Variants in CDIN1 observed in about 807,000 individuals in gnomAD.
The protein encoded by CDIN1 is CDAN1-interacting nuclease 1.
A neutral mutation model predicts 45.3 loss-of-function variants in CDIN1; 33 were observed. The observed-to-expected ratio is 0.73, with a 90% CI of 0.55 to 0.97. CDIN1 has a LOEUF of 0.97. Among genes scored for constraint, CDIN1 ranks in the 50% least tolerant of loss-of-function variants. The pLI is 0.00. For missense variants in CDIN1, 303 were observed against 339.4 expected, an observed-to-expected ratio of 0.89 and a Z score of 0.84; for synonymous variants, 118 against 124.4, an observed-to-expected ratio of 0.95 and a Z score of 0.34.
chr15:36,618,128 G>C (rs1231021875), intron 1 of CDIN1: 1 of 721,534 alleles, frequency 1.4e-6, no homozygotes, highest in African/African-American at 1.7e-5. Context: ...TGGTAGTTTT[G>C]TGAATGGCAT....
intron 5 of CDIN1, among the ~76,000 whole-genome samples, chr15:36,665,369 A>G (rs1486989206): frequency 6.6e-6 from 1 of 152,162 alleles, no homozygotes; most frequent in Non-Finnish European, 1.5e-5. Context: ...ACAGCAGAGG[A>G]TGGTTTCTTG....
At chr15:36,636,290 C>T (rs527298483) in intron 1 of CDIN1, among the ~76,000 whole-genome samples, 6 of 152,246 alleles carry the variant, frequency 3.9e-5, no homozygotes, top group South Asian at 4.2e-4. Context: ...CGGTGGCTCA[C>T]GCCTGTAATC....
intron 10 of CDIN1, among the ~76,000 whole-genome samples, chr15:36,726,825 AT>A (rs148829869): frequency 0.031 from 4,772 of 151,572 alleles, 254 homozygotes; most frequent in African/African-American, 0.11. Context: ...AGTATAAGGC[AT>A]TTTTTTTTCT....
chr15:36,650,311 ATTT>A (rs2040518265), intron 3 of CDIN1, among the ~76,000 whole-genome samples: 1 of 152,160 alleles, frequency 6.6e-6, no homozygotes, highest in South Asian at 2.1e-4. Flanking sequence ...GAATAGAGAT[ATTT>A]TCAAAGTAAA....
At chr15:36,702,973 G>A (rs2042696846) in intron 8 of CDIN1, among the ~76,000 whole-genome samples, 1 of 151,292 alleles carries the variant, frequency 6.6e-6, no homozygotes, top group Non-Finnish European at 1.5e-5. Flanking sequence ...GGCTGAGGTG[G>A]GAGGATTGCT....
intron 10 of CDIN1, among the ~76,000 whole-genome samples, chr15:36,771,302 G>A (rs2054070844): frequency 6.6e-6 from 1 of 152,054 alleles, no homozygotes; most frequent in Non-Finnish European, 1.5e-5. Context: ...GTATACCTAT[G>A]TAACAAACCT....
At chr15:36,619,499 C>CCA (rs2039057335) in intron 1 of CDIN1, among the ~76,000 whole-genome samples, 1 of 151,714 alleles carries the variant, frequency 6.6e-6, no homozygotes, top group African/African-American at 2.4e-5. Flanking sequence ...ATCTATCTAT[C>CCA]TATCTATCTA....
At chr15:36,789,279 T>C (rs1269581511) in intron 10 of CDIN1, among the ~76,000 whole-genome samples, 2 of 152,180 alleles carry the variant, frequency 1.3e-5, no homozygotes, top group African/African-American at 2.4e-5. Flanking sequence ...CACTCACACA[T>C]GCAAGTTGAG....
At chr15:36,589,328 G>T (rs1004553169) in intron 1 of CDIN1, among the ~76,000 whole-genome samples, 2 of 152,048 alleles carry the variant, frequency 1.3e-5, no homozygotes, top group African/African-American at 4.8e-5. Flanking sequence ...AAGAGTAAAT[G>T]CTTCTTTATT....
Position 36,772,296 on chromosome 15 carries a change from C to T in CDIN1, c.717-36028C>T, listed in dbSNP as rs146293065. On this transcript the variant is annotated intron_variant, in intron 10 of 10. Transcript: ENST00000566621. The stretch of plus-strand genomic sequence containing the variant: ...TGAAGGCTTTACTTACTTTACTTGG[C>T]GCAAATCGTCATATGTTTTTCTTTG... Among the ~76,000 whole-genome samples the T allele has an allele frequency of 1.4e-3, 217 of 152,144 alleles. 1 individual carries two copies. The highest frequency in any genetic ancestry group is 4.6e-3 in the African/African-American group (191 of 41,498).
intron 10 of CDIN1, among the ~76,000 whole-genome samples, chr15:36,769,063 C>G (rs762419811): frequency 2.6e-5 from 4 of 152,096 alleles, no homozygotes; most frequent in Non-Finnish European, 5.9e-5. Flanking sequence ...CATCCCTGGG[C>G]CTTCTGATAA....
At chr15:36,642,634 G>A (rs1566859113) in intron 1 of CDIN1, among the ~76,000 whole-genome samples, 1 of 152,144 alleles carries the variant, frequency 6.6e-6, no homozygotes, top group East Asian at 1.9e-4. Context: ...TTCTCATTTT[G>A]AACTATTTAT....
At chr15:36,674,766 A>G (rs181470632) in intron 5 of CDIN1, among the ~76,000 whole-genome samples, 127 of 152,198 alleles carry the variant, frequency 8.3e-4, no homozygotes, top group African/African-American at 2.6e-3. Context: ...TTGGCTTCAT[A>G]AAGTTTGTGG....
At position 36,617,380 on chromosome 15, in the gene CDIN1, G is replaced by T. The variant is rs141853175; in HGVS notation, c.102-26898G>T. ...TGATGGGATGATTTTAGGACCAGAA[G>T]ATCTGAGTTACCAAATATATGATGT... is the stretch of plus-strand genomic sequence containing the variant. On this transcript the variant is annotated intron_variant, in intron 1 of 10. Coordinates refer to ENST00000566621, the MANE Select transcript of CDIN1 (RefSeq NM_001321759.2). 1.7e-4 allele frequency: 272 copies of T among 1,558,668 alleles called. No individual in the cohort carries two copies. The African/African-American group carries it at 3.2e-3, about 19-fold the overall frequency.
At chr15:36,687,379 A>G (rs560716181) in intron 5 of CDIN1, among the ~76,000 whole-genome samples, 60 of 152,342 alleles carry the variant, frequency 3.9e-4, no homozygotes, top group African/African-American at 1.4e-3. Context: ...GTACAATAAA[A>G]ATTAACATTA....
chr15:36,611,025 T>C (rs145731169), intron 1 of CDIN1, among the ~76,000 whole-genome samples: 1 of 152,340 alleles, frequency 6.6e-6, no homozygotes, highest in East Asian at 1.9e-4. Flanking sequence ...ATGATGCTTC[T>C]GACTCATTCT....
intron 10 of CDIN1, among the ~76,000 whole-genome samples, chr15:36,768,299 A>T (rs1006972132): frequency 3.3e-5 from 5 of 152,230 alleles, no homozygotes; most frequent in Admixed American, 1.3e-4. Flanking sequence ...GGATCCGTTT[A>T]GCTACTGCCT....
chr15:36,685,440 A>T (rs939427924), intron 5 of CDIN1, among the ~76,000 whole-genome samples: 9 of 151,808 alleles, frequency 5.9e-5, no homozygotes, highest in African/African-American at 2.2e-4. Context: ...CTGTGGTCTG[A>T]GAGATAGTTT....
In CDIN1 at chr15:36,696,946, TA is replaced by T. The variant is rs1163749494; in HGVS notation, c.477-352del. Among the ~76,000 whole-genome samples the T allele has an allele frequency of 8.1e-3, 745 of 92,226 alleles. 6 individuals carry two copies. Among genetic ancestry groups the T allele is most frequent in the African/African-American group, 0.023 (539 of 23,494 alleles). The allele number at this position is 92,226 out of a possible 152,430, so 60.5% of individuals were successfully genotyped here. A position where few individuals can be genotyped will look rare whatever the true frequency, so the allele number is the denominator to read the frequency against. ...GAGCAACATAGTGCGATTCCATTTCTAAAAAAAAAAAAAAAAAAAAAAAAAT... is the reference window on the plus strand; with the variant it reads ...GAGCAACATAGTGCGATTCCATTTCTAAAAAAAAAAAAAAAAAAAAAAAAT... On this transcript the variant is annotated intron_variant, in intron 7 of 10. Transcript: ENST00000566621.
Sources: allele counts gnomAD v4.1 joint callset (sites outside exome capture counted in the v4.1 genomes callset), GRCh38; gene constraint gnomAD v4.1.1; transcripts MANE v1.5; gene names NCBI Gene and HGNC (gene_info 2026-07-23, HGNC 2026-07-21).